Variants in CLCN7 observed in about 807,000 individuals in gnomAD.
CLCN7 encodes the protein H(+)/Cl(-) exchange transporter 7.
A neutral mutation model predicts 102.1 loss-of-function variants in CLCN7; 60 were observed. That is an observed-to-expected ratio of 0.59 (90% confidence interval 0.48 to 0.73). The LOEUF is 0.73. Among genes scored for constraint, CLCN7 ranks in the 30% least tolerant of loss-of-function variants. The probability of loss-of-function intolerance (pLI) is 0.00; values close to 1 mark genes in which losing one functional copy is unlikely to be tolerated. For missense variants in CLCN7, 962 were observed against 1,125.7 expected (o/e 0.85, Z 2.08); for synonymous variants, 560 against 490.5 (o/e 1.14, Z -1.87).
Position 1,446,011 on chromosome 16 carries a change from C to A in CLCN7, c.*620G>T. ...ACCCCAGTCCTCTGGGCCTGTGTAC[C>A]CAAGCCGGATGCAGGCCGGGGAGTG... On this transcript the variant is annotated 3_prime_UTR_variant, in exon 25 of 25. Transcript: ENST00000382745. The A allele has an allele frequency of 1.9e-6, 1 of 526,552 alleles. No homozygotes were observed. Among genetic ancestry groups the A allele is most frequent in the Non-Finnish European group, 3.4e-6 (1 of 296,630 alleles). The allele number at this position is 526,552 out of a possible 1,614,324, so 32.6% of individuals were successfully genotyped here. A position where few individuals can be genotyped will look rare whatever the true frequency, so the allele number is the denominator to read the frequency against.
chr16:1,447,611 C>T, intron 22 of CLCN7, 43 bp from the exon 23 acceptor site: 1 of 1,551,578 alleles, frequency 6.4e-7, no homozygotes, highest in Non-Finnish European at 8.7e-7. Context: ...AGGCAGCACC[C>T]CCGGGGCCCC....
chr16:1,452,091 C>A, intron 15 of CLCN7: 1 of 336,408 alleles, frequency 3.0e-6, no homozygotes, highest in South Asian at 2.5e-5. Flanking sequence ...GCCACAGGCC[C>A]AGAGCCTCCT....
In CLCN7 at chr16:1,446,767, C is replaced by T. The variant is rs1031716621; in HGVS notation, c.2332-50G>A. On this transcript the variant is annotated intron_variant, in intron 24 of 24. Coordinates refer to ENST00000382745, the MANE Select transcript of CLCN7 (RefSeq NM_001287.6). ...TGACACACGGGTCGGCTCCCGCCTG[C>T]CTGTGGAGCTCCCTGCCTTGTGTGT... is the stretch of plus-strand genomic sequence containing the variant. 4.1e-6 allele frequency: 6 copies of T among 1,460,444 alleles called. No individual in the cohort carries two copies. In the Admixed American group the frequency reaches 1.2e-4, roughly 29 times the overall value. 90.5% of individuals were successfully genotyped at this position (1,460,444 alleles called of 1,614,324 possible).
chr16:1,456,735 G>A (rs2038841005), intron 9 of CLCN7, among the ~76,000 whole-genome samples: 2 of 151,966 alleles, frequency 1.3e-5, no homozygotes, highest in Non-Finnish European at 1.5e-5. Flanking sequence ...CAGCTACTCG[G>A]GATGCTGAGG....
chr16:1,475,012 C>A lies in CLCN7; in HGVS notation c.-38G>T, dbSNP rs781168926. On this transcript the variant is annotated 5_prime_UTR_variant, in exon 1 of 25. Coordinates refer to ENST00000382745, the MANE Select transcript of CLCN7 (RefSeq NM_001287.6). ...AGCGACACCGGCCGGGAAGCGCCGG[C>A]TGCCCCCGTGTTTGTTCTCGTGACC... 2 of 1,419,522 alleles carry A rather than the reference C, an allele frequency of 1.4e-6. No homozygotes were observed. The highest frequency in any genetic ancestry group is 2.9e-5 in the South Asian group (2 of 70,070). 87.9% of individuals were successfully genotyped at this position (1,419,522 alleles called of 1,614,324 possible).
rs139993290 is a variant in CLCN7 at position 1,456,995 on chromosome 16, C to T, written c.822+259G>A. ...CAGGTTCTGCACTCCTCTGAGAAGC[C>T]GCTTGGAGCCACAGACCCTCCCACG... On this transcript the variant is annotated intron_variant, in intron 9 of 24. Transcript: ENST00000382745. 2.7e-4 allele frequency among the ~76,000 whole-genome samples: 41 copies of T among 152,230 alleles called. No individual in the cohort carries two copies. In the South Asian group the frequency reaches 5.2e-3, roughly 19 times the overall value.
Position 1,451,616 on chromosome 16 carries a change from C to A in CLCN7, c.1447+7G>T. 6.2e-7 allele frequency: 1 copy of A among 1,610,454 alleles called. No individual in the cohort carries two copies. The highest frequency in any genetic ancestry group is 8.5e-7 in the Non-Finnish European group (1 of 1,179,440). On this transcript the variant is annotated splice_region_variant and intron_variant, in intron 16 of 24. Transcript: ENST00000382745. ...AGGGCCTGCCCAGCGGCACTGCCCA[C>A]ACACACCTGGCGGGTCGTGGAAGAG...
chr16:1,451,221 T>G (rs556963781), intron 16 of CLCN7, among the ~76,000 whole-genome samples: 18 of 152,256 alleles, frequency 1.2e-4, no homozygotes, highest in African/African-American at 4.1e-4. Context: ...TTTCTTTTGT[T>G]TTTTGAGAGA....
intron 2 of CLCN7, among the ~76,000 whole-genome samples, chr16:1,463,391 G>A (rs1390098537): frequency 1.3e-5 from 2 of 152,126 alleles, no homozygotes; most frequent in African/African-American, 4.8e-5. Context: ...AGCTCCTCAG[G>A]AAGAAGCTGA....
chr16:1,463,972 A>C (rs183450567), intron 2 of CLCN7, among the ~76,000 whole-genome samples: 1 of 152,176 alleles, frequency 6.6e-6, no homozygotes, highest in African/African-American at 2.4e-5. Context: ...ACAGGGTTTC[A>C]CCATGTTGAT....
chr16:1,465,161 C>T lies in CLCN7; in HGVS notation c.213+106G>A, dbSNP rs2235580. The T allele has an allele frequency of 0.44, 477,735 of 1,082,180 alleles. 107,656 individuals are homozygous for T. The highest frequency in any genetic ancestry group is 0.46 in the Non-Finnish European group (331,413 of 716,854). The allele number at this position is 1,082,180 out of a possible 1,614,324, so 67.0% of individuals were successfully genotyped here. On this transcript the variant is annotated intron_variant, in intron 2 of 24. Coordinates refer to ENST00000382745, the MANE Select transcript of CLCN7 (RefSeq NM_001287.6). ...AAGGAAATCTTCCCTGAACCCCGGC[C>T]CTGGGGCCCCACTATCTCCCTGCCG...
rs1029147149 is a variant in CLCN7 at position 1,452,698 on chromosome 16, G to A, written c.1353+57C>T. On this transcript the variant is annotated intron_variant, in intron 15 of 24. Transcript: ENST00000382745. Reference sequence around the variant, plus strand: ...CTCCCGTAGCCTAAGCGAGCCTCCTGGAGGCCGCCCTGTGGCTGCCCTGCC... The same window carrying A: ...CTCCCGTAGCCTAAGCGAGCCTCCTAGAGGCCGCCCTGTGGCTGCCCTGCC... The A allele has an allele frequency of 2.6e-6, 4 of 1,542,176 alleles. No homozygotes were observed. The Admixed American group carries it at 7.7e-5, about 30-fold the overall frequency.
intron 1 of CLCN7, among the ~76,000 whole-genome samples, chr16:1,467,521 A>G (rs984840180): frequency 6.6e-6 from 1 of 152,154 alleles, no homozygotes; most frequent in African/African-American, 2.4e-5. Flanking sequence ...CCTGGACTCC[A>G]GGTCTCACCA....
At chr16:1,448,582 C>T (rs988502611) in intron 20 of CLCN7, 98 bp from the exon 21 acceptor site, 20 of 1,600,868 alleles carry the variant, frequency 1.2e-5, no homozygotes, top group African/African-American at 9.4e-5. Flanking sequence ...GGACAGGAAA[C>T]GCGGGGCTGC....
chr16:1,474,076 C>T (rs1371309988), intron 1 of CLCN7: 1 of 427,072 alleles, frequency 2.3e-6, no homozygotes, highest in African/African-American at 2.6e-5. Context: ...TACAGTGAAA[C>T]TCCGTCTCAA....
intron 21 of CLCN7, 80 bp from the exon 22 acceptor site, chr16:1,447,794 G>C: frequency 6.9e-7 from 1 of 1,459,136 alleles, no homozygotes; most frequent in Admixed American, 2.0e-5. Context: ...GCCCCGCTCT[G>C]ACCCTGTTCC....
At chr16:1,455,026 C>T in intron 12 of CLCN7, 108 bp downstream of exon 12, 1 of 772,748 alleles carries the variant, frequency 1.3e-6, no homozygotes, top group East Asian at 2.5e-5. Context: ...AGCTCCACAG[C>T]TATCAACCAG....
At chr16:1,474,781 CT>C in intron 1 of CLCN7, 52 bp downstream of exon 1, 1 of 1,234,766 alleles carries the variant, frequency 8.1e-7, no homozygotes, top group Non-Finnish European at 1.0e-6. Flanking sequence ...AGGGCGCGGG[CT>C]GCGGGGCGCA....
chr16:1,462,683 A>AAAAAAAAAAAAAAAAAAAAAAAAAAAC (rs1471363912), intron 2 of CLCN7, among the ~76,000 whole-genome samples: 1 of 150,960 alleles, frequency 6.6e-6, no homozygotes, highest in African/African-American at 2.5e-5. Flanking sequence ...AAAAAAAAAA[A>AAAAAAAAAAAAAAAAAAAAAAAAAAAC]AAAACCAGGC....
Sources: gnomAD v4.1 joint callset for allele counts (sites outside exome capture counted in the v4.1 genomes callset) on GRCh38, gnomAD v4.1.1 for gene constraint, MANE v1.5 for transcripts, NCBI Gene and HGNC (gene_info 2026-07-23, HGNC 2026-07-21) for gene names.